CGNL1: variants seen among roughly 807,000 people sequenced by gnomAD.
The protein encoded by CGNL1 is cingulin-like protein 1.
In CGNL1, 132 loss-of-function variants were observed where a neutral mutation model predicts 141.2. That is an observed-to-expected ratio of 0.93 (90% CI 0.81 to 1.08). The LOEUF is 1.08. Among genes scored for constraint, CGNL1 ranks in the 50% least tolerant of loss-of-function variants. The pLI is 0.00. For synonymous variants in CGNL1, 690 were observed against 622.1 expected (o/e 1.11, Z -1.63); for missense variants, 1,870 against 1,588.6 (o/e 1.18, Z -3.01).
intron 14 of CGNL1, among the ~76,000 whole-genome samples, chr15:57,539,968 C>T (rs1368553676): frequency 6.6e-6 from 1 of 152,112 alleles, no homozygotes; most frequent in Non-Finnish European, 1.5e-5. Flanking sequence ...TATTCAAATC[C>T]GCAGGACTTG....
chr15:57,419,689 A>G (rs547978529), intron 1 of CGNL1, among the ~76,000 whole-genome samples: 7 of 152,316 alleles, frequency 4.6e-5, no homozygotes, highest in African/African-American at 1.7e-4. Flanking sequence ...TCATCAAAGG[A>G]CATATCAACA....
chr15:57,485,863 G>A (rs554465337), intron 8 of CGNL1, among the ~76,000 whole-genome samples: 1 of 152,166 alleles, frequency 6.6e-6, no homozygotes, highest in Admixed American at 6.5e-5. Context: ...CAGCTCTCCA[G>A]ATGCTGATTT....
At chr15:57,495,139 G>A (rs184162330) in intron 8 of CGNL1, among the ~76,000 whole-genome samples, 4 of 152,280 alleles carry the variant, frequency 2.6e-5, no homozygotes. Flanking sequence ...AAACCATGAT[G>A]CTTCCTGTAG....
At chr15:57,490,511 T>C (rs2152377025) in intron 8 of CGNL1, among the ~76,000 whole-genome samples, 1 of 151,964 alleles carries the variant, frequency 6.6e-6, no homozygotes, top group East Asian at 1.9e-4. Flanking sequence ...CAAAATAAGG[T>C]AGTATTGGAT....
At chr15:57,489,627 G>A (rs2063830887) in intron 8 of CGNL1, among the ~76,000 whole-genome samples, 1 of 152,146 alleles carries the variant, frequency 6.6e-6, no homozygotes, top group Non-Finnish European at 1.5e-5. Flanking sequence ...TCTTTTGCAT[G>A]TAGATATTAG....
intron 1 of CGNL1, among the ~76,000 whole-genome samples, chr15:57,389,636 T>A (rs1013618096): frequency 3.3e-5 from 5 of 152,152 alleles, no homozygotes; most frequent in Non-Finnish European, 7.3e-5. Context: ...TGTATAGGAG[T>A]GCTCTGTATG....
chr15:57,456,508 A>G (rs1297943634), intron 7 of CGNL1, among the ~76,000 whole-genome samples: 4 of 151,922 alleles, frequency 2.6e-5, no homozygotes, highest in Non-Finnish European at 5.9e-5. Flanking sequence ...AAAAATAAAT[A>G]AAACAGTTTA....
At chr15:57,418,424 A>G (rs1233009353) in intron 1 of CGNL1, among the ~76,000 whole-genome samples, 1 of 151,348 alleles carries the variant, frequency 6.6e-6, no homozygotes, top group Admixed American at 6.6e-5. Flanking sequence ...TCTGTGATTA[A>G]TCAGTTCGGT....
At chr15:57,491,457 C>T (rs983836173) in intron 8 of CGNL1, among the ~76,000 whole-genome samples, 6 of 152,126 alleles carry the variant, frequency 3.9e-5, no homozygotes, top group South Asian at 2.1e-4. Context: ...TCTTGTCTGC[C>T]CTGCAAGGCT....
Position 57,523,552 on chromosome 15 carries a change from G to A in CGNL1, c.2779G>A (p.Glu927Lys). Reference protein sequence around the residue: ...QLSEKLKEESEQKEQLRRLKN... With the variant: ...QLSEKLKEESKQKEQLRRLKN... ...GTCTGAGAAGCTCAAAGAGGAGAGT[G>A]AGCAGAAGGAGCAGCTAAGAAGGTT... The change falls in exon 11 of 19, where the codon GAG becomes AAG. Residue 927 changes from glutamate (E) to lysine (K), a missense_variant. By Grantham distance (56) the Glu-to-Lys change is moderately conservative. Transcript: ENST00000281282. 1 of 1,614,192 alleles carries A rather than the reference G, an allele frequency of 6.2e-7. No homozygotes were observed. The highest frequency in any genetic ancestry group is 1.1e-5 in the South Asian group (1 of 91,078).
At chr15:57,514,351 CA>C (rs2030595338) in intron 8 of CGNL1, among the ~76,000 whole-genome samples, 1 of 152,096 alleles carries the variant, frequency 6.6e-6, no homozygotes, top group South Asian at 2.1e-4. Context: ...GGGGTTTTAT[CA>C]TGTTGGCCAG....
In CGNL1 at chr15:57,442,431, C is replaced by A; in HGVS notation, c.1756C>A (p.Gln586Lys). ...RKVNLVFEKI[Q>K]TLKSRAAGSA... ...AGTCAACTTGGTCTTTGAGAAAATC[C>A]AGACCTTAAAGTCTCGAGCAGCTGG... The change falls in exon 4 of 19, where the codon CAG (glutamine) becomes AAG (lysine). Residue 586 changes from glutamine to lysine, a missense_variant. Coordinates refer to ENST00000281282, the MANE Select transcript of CGNL1 (RefSeq NM_032866.5). The A allele has an allele frequency of 6.2e-7, 1 of 1,613,670 alleles. No homozygotes were observed. Among genetic ancestry groups the A allele is most frequent in the Non-Finnish European group, 8.5e-7 (1 of 1,179,714 alleles).
chr15:57,378,363 GTTTTTTTTTT>G lies in CGNL1; in HGVS notation c.-16+1822_-16+1831del, dbSNP rs71116514. Among the ~76,000 whole-genome samples the G allele has an allele frequency of 2.7e-4, 9 of 33,940 alleles. No individual in the cohort carries two copies. In the South Asian group the frequency reaches 6.6e-3, roughly 25 times the overall value. The allele number at this position is 33,940 out of a possible 152,430, so 22.3% of individuals were successfully genotyped here. A position where few individuals can be genotyped will look rare whatever the true frequency, so the allele number is the denominator to read the frequency against. ...TTTCTTAGGGGGTGGCCCTCTATGT[GTTTTTTTTTT>G]TTTTTTTTTTTTTTTTTTTTTTTTT... On this transcript the variant is annotated intron_variant, in intron 1 of 18. Coordinates refer to ENST00000281282, the MANE Select transcript of CGNL1 (RefSeq NM_032866.5).
intron 14 of CGNL1, among the ~76,000 whole-genome samples, chr15:57,540,968 G>T (rs1459160117): frequency 6.6e-6 from 1 of 152,210 alleles, no homozygotes; most frequent in African/African-American, 2.4e-5. Flanking sequence ...TGAGAGACGG[G>T]GTGGCTGCTC....
chr15:57,513,235 C>A (rs900212520), intron 8 of CGNL1, among the ~76,000 whole-genome samples: 1 of 145,684 alleles, frequency 6.9e-6, no homozygotes, highest in African/African-American at 2.6e-5. Flanking sequence ...TCCAGACTTT[C>A]ATATAAATGT....
chr15:57,421,128 T>C (rs1366793360), intron 1 of CGNL1, among the ~76,000 whole-genome samples: 4 of 152,160 alleles, frequency 2.6e-5, no homozygotes, highest in African/African-American at 7.2e-5. Context: ...CTGTGTGCTC[T>C]TACCAAGGAA....
intron 10 of CGNL1, among the ~76,000 whole-genome samples, 156 bp downstream of exon 10, chr15:57,518,653 C>A (rs192994608): frequency 5.6e-4 from 86 of 152,340 alleles, no homozygotes; most frequent in African/African-American, 1.9e-3. Context: ...TCCGTCTAGA[C>A]CAGCGATTCT....
intron 1 of CGNL1, among the ~76,000 whole-genome samples, chr15:57,381,991 A>G (rs1026294598): frequency 6.6e-6 from 1 of 152,158 alleles, no homozygotes; most frequent in African/African-American, 2.4e-5. Flanking sequence ...CGTGATTTCC[A>G]CCCTTCTTCA....
intron 8 of CGNL1, among the ~76,000 whole-genome samples, chr15:57,509,521 G>A (rs1416763298): frequency 2.6e-5 from 4 of 152,188 alleles, no homozygotes. Context: ...TACAAGGAGC[G>A]CTCCTCAGCT....
Sources: allele counts gnomAD v4.1 joint callset (sites outside exome capture counted in the v4.1 genomes callset), GRCh38; gene constraint gnomAD v4.1.1; transcripts MANE v1.5; gene names NCBI Gene and HGNC (gene_info 2026-07-23, HGNC 2026-07-21).